RANGAP1: variants seen among roughly 807,000 people sequenced by gnomAD.
RANGAP1 encodes Ran GTPase activating protein 1.
In RANGAP1, 38 loss-of-function variants were observed where a neutral mutation model predicts 63.5. The ratio of observed to expected loss-of-function variants is 0.60; its 90% CI spans 0.46 to 0.78. The LOEUF (loss-of-function observed/expected upper bound fraction) is 0.78. Among genes scored for constraint, RANGAP1 ranks in the 30% least tolerant of loss-of-function variants. The pLI is 0.00. For missense variants in RANGAP1, 630 were observed against 740.3 expected, an observed-to-expected ratio of 0.85 and a Z score of 1.73; for synonymous variants, 329 against 310.5, an observed-to-expected ratio of 1.06 and a Z score of -0.63.
In RANGAP1 at chr22:41,253,890, C is replaced by T. The variant is rs528908126; in HGVS notation, c.1260+418G>A. Among the ~76,000 whole-genome samples the T allele has an allele frequency of 4.6e-5, 7 of 152,058 alleles. No homozygotes were observed. The East Asian group carries it at 1.2e-3, about 25-fold the overall frequency. ...TGGGAGGTCGAGGAGGGTGGATCAC[C>T]TGAGGTCAGAAGTTCAAGACCAGCC... On this transcript the variant is annotated intron_variant, in intron 11 of 15. Coordinates refer to ENST00000356244, the MANE Select transcript of RANGAP1 (RefSeq NM_002883.4).
chr22:41,279,598 C>A (rs868096547), intron 2 of RANGAP1, among the ~76,000 whole-genome samples: 4 of 151,170 alleles, frequency 2.6e-5, no homozygotes, highest in Non-Finnish European at 5.9e-5. Context: ...GCTGAGATTG[C>A]ACCACCACAC....
chr22:41,287,841 C>G (rs2035789595), upstream of RANGAP1, among the ~76,000 whole-genome samples: 1 of 151,882 alleles, frequency 6.6e-6, no homozygotes, highest in African/African-American at 2.4e-5. Flanking sequence ...ATAAAATTAG[C>G]TGGGCATGGT....
the RANGAP1 span, among the ~76,000 whole-genome samples, chr22:41,292,654 G>A: frequency 2.6e-5 from 4 of 152,004 alleles, no homozygotes; most frequent in African/African-American, 9.7e-5. Flanking sequence ...GGCTGAGACA[G>A]GAGAATCGCT....
At chr22:41,249,571 T>G in intron 14 of RANGAP1, 120 bp from the exon 15 acceptor site, 1 of 1,547,454 alleles carries the variant, frequency 6.5e-7, no homozygotes, top group Non-Finnish European at 8.8e-7. Context: ...AATCTCATCG[T>G]GAAGACCAAG....
chr22:41,251,253 A>G, intron 12 of RANGAP1, 144 bp from the exon 13 acceptor site: 1 of 618,002 alleles, frequency 1.6e-6, no homozygotes. Context: ...CTGTCCCTTC[A>G]GAGTCTGGCT....
At chr22:41,248,009 T>A (rs2033166867) in intron 15 of RANGAP1, among the ~76,000 whole-genome samples, 1 of 152,190 alleles carries the variant, frequency 6.6e-6, no homozygotes, top group Non-Finnish European at 1.5e-5. Context: ...GCACAGGGGC[T>A]GCCAGGGATA....
upstream of RANGAP1, among the ~76,000 whole-genome samples, chr22:41,290,794 G>T (rs1461065121): frequency 3.9e-5 from 6 of 152,188 alleles, no homozygotes; most frequent in Non-Finnish European, 1.5e-5. Flanking sequence ...ATTTATGTTG[G>T]ATTCCTGAAA....
At chr22:41,273,766 CAAAAAAAAAAAA>C (rs71200678) in intron 3 of RANGAP1, among the ~76,000 whole-genome samples, 5 of 24,356 alleles carry the variant, frequency 2.1e-4, no homozygotes, top group East Asian at 1.6e-3. Context: ...GACTCCATCT[CAAAAAAAAAAAA>C]AAAAAAAAAA....
At chr22:41,259,757 C>T (rs1050448736) in intron 6 of RANGAP1, among the ~76,000 whole-genome samples, 1 of 152,194 alleles carries the variant, frequency 6.6e-6, no homozygotes, top group African/African-American at 2.4e-5. Flanking sequence ...AATCCCAGCA[C>T]TTTAGGAGGC....
At chr22:41,294,387 G>C in the RANGAP1 span, among the ~76,000 whole-genome samples, 52 of 152,218 alleles carry the variant, frequency 3.4e-4, no homozygotes, top group African/African-American at 1.3e-3. Flanking sequence ...GCAGTGGCGT[G>C]ATCTCGGCTC....
upstream of RANGAP1, among the ~76,000 whole-genome samples, chr22:41,288,052 T>C (rs2035794354): frequency 6.6e-6 from 1 of 152,154 alleles, no homozygotes; most frequent in Non-Finnish European, 1.5e-5. Context: ...CACAGCTCAT[T>C]TAATCTTCAC....
chr22:41,252,936 G>A lies in RANGAP1; in HGVS notation c.1316C>T (p.Ala439Val). 1 of 1,556,822 alleles carries A rather than the reference G, an allele frequency of 6.4e-7. No homozygotes were observed. ...CAGCAGCTTCTCTGGAGAGGGAAAA[G>A]CCAGGAAGGTGGAGACGTCTGCAGG... ...PPPADVSTFL[A>V]FPSPEKLLRL... Residue 439 changes from alanine (A) to valine (V), a missense_variant, in exon 12 of 16, where the codon GCT (alanine) becomes GTT (valine). By Grantham distance (64) the Ala-to-Val change is moderately conservative. Coordinates refer to ENST00000356244, the MANE Select transcript of RANGAP1 (RefSeq NM_002883.4).
intron 2 of RANGAP1, chr22:41,277,488 T>A (rs1436420935): frequency 8.4e-7 from 1 of 1,197,400 alleles, no homozygotes; most frequent in South Asian, 1.3e-5. Context: ...AAACAAAAAG[T>A]TGAGTCTGGC....
chr22:41,288,034 C>G (rs1026990746), upstream of RANGAP1, among the ~76,000 whole-genome samples: 2 of 152,058 alleles, frequency 1.3e-5, no homozygotes, highest in Admixed American at 1.3e-4. Context: ...ATGCCATATC[C>G]TTTTACACAC....
At chr22:41,300,089 G>C in the RANGAP1 span, among the ~76,000 whole-genome samples, 1 of 151,974 alleles carries the variant, frequency 6.6e-6, no homozygotes, top group Admixed American at 6.6e-5. Flanking sequence ...CTCACCTCTG[G>C]TTGGGGTCTT....
chr22:41,251,204 G>T, intron 12 of RANGAP1, 95 bp from the exon 13 acceptor site: 1 of 934,142 alleles, frequency 1.1e-6, no homozygotes, highest in Non-Finnish European at 1.7e-6. Context: ...CAGTACAAAG[G>T]CCCCTGGCGG....
At chr22:41,283,450 A>T (rs1425685324) in intron 1 of RANGAP1, among the ~76,000 whole-genome samples, 1 of 152,196 alleles carries the variant, frequency 6.6e-6, no homozygotes. Flanking sequence ...CGGAGGTTGC[A>T]GTGAGCCAAG....
chr22:41,274,859 G>A (rs916756050), intron 2 of RANGAP1, 132 bp from the exon 3 acceptor site: 3 of 1,174,818 alleles, frequency 2.6e-6, no homozygotes, highest in African/African-American at 1.5e-5. Context: ...TTGGCTTACA[G>A]AGAATCAGAC....
At chr22:41,249,489 AG>A in intron 14 of RANGAP1, 38 bp from the exon 15 acceptor site, 1 of 1,519,484 alleles carries the variant, frequency 6.6e-7, no homozygotes, top group Non-Finnish European at 8.7e-7. Flanking sequence ...TGAGCTTCAA[AG>A]TCACCTGGGG....
Sources: allele counts gnomAD v4.1 joint callset (sites outside exome capture counted in the v4.1 genomes callset), GRCh38; gene constraint gnomAD v4.1.1; transcripts MANE v1.5; gene names NCBI Gene and HGNC (gene_info 2026-07-23, HGNC 2026-07-21).